PEX5L: variants seen among roughly 807,000 people sequenced by gnomAD.
PEX5L encodes the protein PEX5-related protein.
Under a neutral mutation model 84.0 loss-of-function variants are expected in PEX5L, and 30 were observed. That is an observed-to-expected ratio of 0.36 (90% CI 0.27 to 0.48). The LOEUF is 0.48. PEX5L is among the 20% of genes least tolerant of loss of function. The probability of loss-of-function intolerance (pLI) is 0.99; values close to 1 mark genes in which losing one functional copy is unlikely to be tolerated. For synonymous variants in PEX5L, 270 were observed against 283.1 expected (o/e 0.95, Z 0.46); for missense variants, 533 against 754.6 (o/e 0.71, Z 3.44).
intron 1 of PEX5L, among the ~76,000 whole-genome samples, chr3:180,031,719 CAT>C (rs932951427): frequency 1.2e-4 from 19 of 152,126 alleles, no homozygotes; most frequent in African/African-American, 4.1e-4. Flanking sequence ...ATGTTGGAAA[CAT>C]GTGATCTCAA....
At chr3:179,937,627 T>C (rs1161293918) in intron 2 of PEX5L, among the ~76,000 whole-genome samples, 4 of 152,130 alleles carry the variant, frequency 2.6e-5, no homozygotes, top group South Asian at 2.1e-4. Flanking sequence ...TCCCTTGCAG[T>C]GTATATAGGA....
intron 1 of PEX5L, among the ~76,000 whole-genome samples, chr3:179,988,419 T>TAAAA (rs375255212): frequency 2.7e-5 from 4 of 146,938 alleles, no homozygotes; most frequent in African/African-American, 1.0e-4. Context: ...AATAAATAAA[T>TAAAA]AAAATAAAAA....
chr3:179,874,738 GTTTTTTTTTTTT>G (rs3836472), intron 6 of PEX5L, among the ~76,000 whole-genome samples: 3 of 45,992 alleles, frequency 6.5e-5, no homozygotes, highest in African/African-American at 9.3e-5. Context: ...TTTTTTTTTT[GTTTTTTTTTTTT>G]TTTTTTTTTT....
chr3:179,888,255 C>T (rs1024641616), intron 3 of PEX5L: 24 of 823,948 alleles, frequency 2.9e-5, no homozygotes, highest in South Asian at 1.9e-4. Flanking sequence ...TAAATGCCTG[C>T]CTCGTCTCCC....
intron 14 of PEX5L, among the ~76,000 whole-genome samples, chr3:179,806,044 T>C (rs1296498047): frequency 6.7e-6 from 1 of 150,266 alleles, no homozygotes. Context: ...ATTTATATAT[T>C]TCTTTTGTAA....
chr3:179,812,156 T>C (rs951049009), intron 10 of PEX5L, among the ~76,000 whole-genome samples: 32 of 152,180 alleles, frequency 2.1e-4, no homozygotes, highest in African/African-American at 7.5e-4. Context: ...TTATATTAGG[T>C]ATCTTAAAAC....
intron 1 of PEX5L, among the ~76,000 whole-genome samples, chr3:179,990,435 G>A: frequency 6.6e-6 from 1 of 150,884 alleles, no homozygotes; most frequent in East Asian, 1.9e-4. Context: ...GTCTTGCTCT[G>A]TTGCCCAGGC....
At chr3:179,951,424 A>G (rs1265739944) in intron 2 of PEX5L, among the ~76,000 whole-genome samples, 1 of 152,212 alleles carries the variant, frequency 6.6e-6, no homozygotes, top group Non-Finnish European at 1.5e-5. Flanking sequence ...GCAATGAAGT[A>G]TAAGCAAATG....
chr3:179,998,840 T>C (rs1430169860), intron 1 of PEX5L, among the ~76,000 whole-genome samples: 1 of 152,184 alleles, frequency 6.6e-6, no homozygotes, highest in African/African-American at 2.4e-5. Context: ...CCTTCTCTCT[T>C]CCAGCCTGCA....
chr3:179,954,001 G>C (rs1225840482), intron 2 of PEX5L, among the ~76,000 whole-genome samples: 1 of 152,166 alleles, frequency 6.6e-6, no homozygotes, highest in Non-Finnish European at 1.5e-5. Context: ...GAGTCTTCTA[G>C]AAAGATTATA....
chr3:180,003,608 C>T (rs1478089261), intron 1 of PEX5L, among the ~76,000 whole-genome samples: 1 of 151,996 alleles, frequency 6.6e-6, no homozygotes, highest in Non-Finnish European at 1.5e-5. Flanking sequence ...TATCTAAATG[C>T]TTCAGAGTCC....
In PEX5L at chr3:179,972,816, G is replaced by T. The variant is rs192021846; in HGVS notation, c.22-1151C>A. On this transcript the variant is annotated intron_variant, in intron 1 of 14. Transcript: ENST00000467460. ...AAAAACATATCTCCAATTTTTGTGGGTTTTTTTTTTACTGTAATAAAGAGA... is the reference window on the plus strand; with the variant it reads ...AAAAACATATCTCCAATTTTTGTGGTTTTTTTTTTTACTGTAATAAAGAGA... Among the ~76,000 whole-genome samples the T allele has an allele frequency of 1.9e-3, 275 of 147,610 alleles. 2 individuals carry two copies. The highest frequency in any genetic ancestry group is 3.2e-3 in the Non-Finnish European group (210 of 66,490).
At chr3:179,824,891 G>A (rs994202930) in intron 8 of PEX5L, among the ~76,000 whole-genome samples, 30 of 152,184 alleles carry the variant, frequency 2.0e-4, no homozygotes, top group Non-Finnish European at 4.0e-4. Context: ...CGGTAACTGA[G>A]TGTTTCTACT....
At chr3:179,835,385 C>A (rs1051344955) in intron 8 of PEX5L, among the ~76,000 whole-genome samples, 3 of 151,534 alleles carry the variant, frequency 2.0e-5, no homozygotes, top group African/African-American at 7.3e-5. Flanking sequence ...AATAAAAACA[C>A]TTTTCTTATA....
At chr3:179,878,425 C>G (rs921116195) in intron 5 of PEX5L, among the ~76,000 whole-genome samples, 1 of 152,192 alleles carries the variant, frequency 6.6e-6, no homozygotes, top group Non-Finnish European at 1.5e-5. Context: ...TAGCAGAACC[C>G]TTCAAACATC....
intron 8 of PEX5L, among the ~76,000 whole-genome samples, chr3:179,847,640 G>A (rs1169599217): frequency 6.6e-6 from 1 of 152,146 alleles, no homozygotes; most frequent in Non-Finnish European, 1.5e-5. Context: ...AGCAGCTTAA[G>A]TGTTTTTAGT....
chr3:179,876,081 C>T (rs1228429255), intron 5 of PEX5L, among the ~76,000 whole-genome samples: 1 of 152,140 alleles, frequency 6.6e-6, no homozygotes, highest in African/African-American at 2.4e-5. Context: ...ATGCTGGAAC[C>T]ATTTTATCCC....
chr3:180,002,710 A>G (rs894218684), intron 1 of PEX5L, among the ~76,000 whole-genome samples: 2 of 152,114 alleles, frequency 1.3e-5, no homozygotes, highest in African/African-American at 4.8e-5. Flanking sequence ...ATCAAGAAAT[A>G]TATTTTCTTC....
chr3:179,805,851 T>C (rs1174460285), intron 14 of PEX5L, among the ~76,000 whole-genome samples: 1 of 152,078 alleles, frequency 6.6e-6, no homozygotes, highest in Non-Finnish European at 1.5e-5. Flanking sequence ...CTGAAAACAG[T>C]AACCCTGCTG....
Sources: allele counts gnomAD v4.1 joint callset (sites outside exome capture counted in the v4.1 genomes callset), GRCh38; gene constraint gnomAD v4.1.1; transcripts MANE v1.5; gene names NCBI Gene and HGNC (gene_info 2026-07-23, HGNC 2026-07-21).